Variants in MYPN observed in about 807,000 individuals in gnomAD.
MYPN encodes the protein myopalladin, also known as sarcomeric protein myopalladin, 145 kDa (MYOP).
Under a neutral mutation model 129.4 loss-of-function variants are expected in MYPN, and 63 were observed. That is an observed-to-expected ratio of 0.49 (90% CI 0.40 to 0.60). MYPN has a LOEUF of 0.60. Among genes scored for constraint, MYPN ranks in the 20% least tolerant of loss-of-function variants. The probability of loss-of-function intolerance (pLI) is 0.00; values close to 1 mark genes in which losing one functional copy is unlikely to be tolerated. For missense variants in MYPN, 1,596 were observed against 1,635.4 expected (o/e 0.98, Z 0.42); for synonymous variants, 629 against 600.9 (o/e 1.05, Z -0.68).
upstream of MYPN, among the ~76,000 whole-genome samples, chr10:68,108,821 A>G (rs1031035787): frequency 3.3e-5 from 5 of 152,104 alleles, no homozygotes; most frequent in African/African-American, 9.7e-5. Context: ...TCCCCGGTTC[A>G]AGTGATTCTC....
In MYPN at chr10:68,175,411, C is replaced by A. The variant is rs199476412; in HGVS notation, c.2653C>A (p.Arg885=). 1 of 1,614,022 alleles carries A rather than the reference C, an allele frequency of 6.2e-7. No individual in the cohort carries two copies. The highest frequency in any genetic ancestry group is 8.5e-7 in the Non-Finnish European group (1 of 1,179,980). The change falls in exon 12 of 20, where the codon CGA becomes AGA. Residue 885 remains arginine, a synonymous_variant. Coordinates refer to ENST00000358913, the MANE Select transcript of MYPN (RefSeq NM_032578.4). ...NIRETKNAVI[R]DLGKKITFSD... ...TCGTGAAACTAAGAACGCAGTGATTCGAGACTTGGGGAAAAAAATAACTTT... is the reference window on the plus strand; with the variant it reads ...TCGTGAAACTAAGAACGCAGTGATTAGAGACTTGGGGAAAAAAATAACTTT...
At chr10:68,179,848 A>G (rs2043286933) in intron 12 of MYPN, among the ~76,000 whole-genome samples, 1 of 152,112 alleles carries the variant, frequency 6.6e-6, no homozygotes, top group Non-Finnish European at 1.5e-5. Flanking sequence ...TTTTTTTAAT[A>G]GAGAGGAGGT....
chr10:68,099,350 TTTG>T (rs915793556), intron 1 of MYPN, among the ~76,000 whole-genome samples: 43 of 152,074 alleles, frequency 2.8e-4, no homozygotes, highest in East Asian at 7.7e-4. Context: ...GGAGTGTTGT[TTTG>T]TTGTTGTTGT....
intron 8 of MYPN, 111 bp downstream of exon 8, chr10:68,161,863 G>C: frequency 1.1e-6 from 1 of 926,002 alleles, no homozygotes; most frequent in Non-Finnish European, 1.7e-6. Context: ...AAAGTTTTAG[G>C]AAAAAAAGAT....
At chr10:68,108,208 A>C (rs1005065384), upstream of MYPN, among the ~76,000 whole-genome samples, 4 of 152,306 alleles carry the variant, frequency 2.6e-5, no homozygotes, top group East Asian at 7.7e-4. Context: ...AGTTATTTCA[A>C]TCTGAATTAT....
intron 2 of MYPN, among the ~76,000 whole-genome samples, chr10:68,138,242 A>G (rs1223104945): frequency 1.3e-5 from 2 of 151,526 alleles, no homozygotes; most frequent in Admixed American, 6.6e-5. Flanking sequence ...AGCTGGGAAT[A>G]CAGGTGTGCA....
intron 2 of MYPN, among the ~76,000 whole-genome samples, chr10:68,137,716 C>T (rs1290152452): frequency 6.6e-6 from 1 of 151,934 alleles, no homozygotes; most frequent in Non-Finnish European, 1.5e-5. Flanking sequence ...TCTAATTTTC[C>T]CTTGAAACCT....
At chr10:68,164,033 G>C (rs2043018020) in intron 8 of MYPN, among the ~76,000 whole-genome samples, 1 of 152,178 alleles carries the variant, frequency 6.6e-6, no homozygotes. Context: ...AATCCAAGTA[G>C]AGTAGACAAA....
chr10:68,149,282 C>T (rs11591761), intron 5 of MYPN, among the ~76,000 whole-genome samples: 1,615 of 152,288 alleles, frequency 0.011, 17 homozygotes, highest in Middle Eastern at 0.041. Context: ...ACTCCAGTGC[C>T]TTCACTCCTC....
intron 18 of MYPN, among the ~76,000 whole-genome samples, chr10:68,205,765 C>T (rs1020179396): frequency 1.3e-5 from 2 of 152,100 alleles, no homozygotes; most frequent in African/African-American, 2.4e-5. Flanking sequence ...GCATTTTCCC[C>T]AACATAGTAT....
At position 68,199,591 on chromosome 10, in the gene MYPN, G is replaced by C. The variant is rs2134301060; in HGVS notation, c.3493+16G>C. The stretch of plus-strand genomic sequence containing the variant: ...TCTGTAGTAGGTAAGGTTTGCTGCT[G>C]GGACCCCTAAACACAACTTCCTCCA... On this transcript the variant is annotated intron_variant, in intron 17 of 19. Coordinates refer to ENST00000358913, the MANE Select transcript of MYPN (RefSeq NM_032578.4). The C allele has an allele frequency of 2.2e-6, 1 of 462,808 alleles. No homozygotes were observed. The highest frequency in any genetic ancestry group is 3.3e-6 in the Non-Finnish European group (1 of 302,008). The allele number at this position is 462,808 out of a possible 1,614,324, so 28.7% of individuals were successfully genotyped here.
intron 2 of MYPN, chr10:68,136,560 C>G: frequency 6.9e-7 from 1 of 1,447,198 alleles, no homozygotes; most frequent in Non-Finnish European, 9.1e-7. Context: ...GTGGGTCATG[C>G]TGTTAAAGTC....
intron 1 of MYPN, among the ~76,000 whole-genome samples, chr10:68,089,635 G>C (rs889420939): frequency 6.6e-6 from 1 of 152,124 alleles, no homozygotes; most frequent in Non-Finnish European, 1.5e-5. Flanking sequence ...GTGAGCCAGC[G>C]CGCCTGGCCT....
chr10:68,107,594 G>C (rs1020061365), upstream of MYPN, among the ~76,000 whole-genome samples: 5 of 151,104 alleles, frequency 3.3e-5, no homozygotes, highest in African/African-American at 4.9e-5. Context: ...CAGGCGATCC[G>C]CCTGCCTCAA....
chr10:68,135,583 T>C (rs1229970228), intron 2 of MYPN: 4 of 617,790 alleles, frequency 6.5e-6, no homozygotes, highest in Admixed American at 6.3e-5. Context: ...AGATCAAGCA[T>C]TGCTAAATGA....
At chr10:68,138,560 A>G (rs1257352447) in intron 2 of MYPN, among the ~76,000 whole-genome samples, 1 of 152,108 alleles carries the variant, frequency 6.6e-6, no homozygotes, top group East Asian at 1.9e-4. Flanking sequence ...ATCAGTGTAA[A>G]TGTCAATACA....
At position 68,211,385 on chromosome 10, in the gene MYPN, A is replaced by T. The variant is rs1255448005; in HGVS notation, c.*930A>T. 2.2e-6 allele frequency: 1 copy of T among 454,020 alleles called. No individual in the cohort carries two copies. Among genetic ancestry groups the T allele is most frequent in the Non-Finnish European group, 4.4e-6 (1 of 226,762 alleles). The allele number at this position is 454,020 out of a possible 1,614,324, so 28.1% of individuals were successfully genotyped here. ...CTGAAAGTGTAGGAGGAAGGAAGAG[A>T]TACAAACAAGGAGAGGAAATGATGG... On this transcript the variant is annotated 3_prime_UTR_variant, in exon 20 of 20. Coordinates refer to ENST00000358913, the MANE Select transcript of MYPN (RefSeq NM_032578.4).
intron 10 of MYPN, among the ~76,000 whole-genome samples, chr10:68,173,407 T>C (rs189071629): frequency 5.9e-5 from 9 of 152,286 alleles, no homozygotes; most frequent in Admixed American, 5.9e-4. Flanking sequence ...ATTGTCTCTA[T>C]TTCTCTTTTC....
At chr10:68,135,620 G>A (rs185480336) in intron 2 of MYPN, 168 of 370,830 alleles carry the variant, frequency 4.5e-4, no homozygotes, top group African/African-American at 3.6e-3. Context: ...TTAAAGGAAA[G>A]TCCTTTTCTG....
Sources: allele counts gnomAD v4.1 joint callset (sites outside exome capture counted in the v4.1 genomes callset), GRCh38; gene constraint gnomAD v4.1.1; transcripts MANE v1.5; gene names NCBI Gene and HGNC (gene_info 2026-07-23, HGNC 2026-07-21).